The following POLQ variants were observed in gnomAD, a reference collection of about 807,000 sequenced individuals.
POLQ encodes DNA polymerase theta.
Under a neutral mutation model 259.2 loss-of-function variants are expected in POLQ, and 233 were observed. That is an observed-to-expected ratio of 0.90 (90% CI 0.81 to 1.00). The LOEUF is 1.00. Among genes scored for constraint, POLQ ranks in the 50% least tolerant of loss-of-function variants. The probability of loss-of-function intolerance (pLI) is 0.00; values close to 1 mark genes in which losing one functional copy is unlikely to be tolerated. For synonymous variants in POLQ, 1,025 were observed against 1,048.8 expected, an observed-to-expected ratio of 0.98 and a Z score of 0.44; for missense variants, 2,871 against 3,051.6, an observed-to-expected ratio of 0.94 and a Z score of 1.39.
intron 27 of POLQ, 49 bp from the exon 28 acceptor site, chr3:121,436,324 T>G: frequency 1.3e-6 from 2 of 1,593,088 alleles, no homozygotes; most frequent in East Asian, 2.2e-5. Context: ...CAACATGGTT[T>G]CATACTTTCC....
In POLQ at chr3:121,539,566, T is replaced by C; in HGVS notation, c.498A>G (p.Ile166Met). 6.2e-7 allele frequency: 1 copy of C among 1,613,146 alleles called. No individual in the cohort carries two copies. Among genetic ancestry groups the C allele is most frequent in the South Asian group, 1.1e-5 (1 of 90,932 alleles). The change falls in exon 4 of 30, where the codon ATA becomes ATG. Residue 166 changes from isoleucine (I) to methionine (M), a missense_variant. Coordinates refer to ENST00000264233, the MANE Select transcript of POLQ (RefSeq NM_199420.4). ...YLQSLFQEVG[I>M]KVDGYMGSTS... is the part of the protein sequence containing the mutation. ...TGCTGCCCATATAACCGTCTACTTT[T>C]ATTCCTACTTCCTGAAACAGACTCT... is the stretch of plus-strand genomic sequence containing the variant.
intron 7 of POLQ, among the ~76,000 whole-genome samples, chr3:121,528,303 AG>A: frequency 4.7e-5 from 1 of 21,266 alleles, no homozygotes. Flanking sequence ...TGTATTTAGG[AG>A]AGATGGGGTT....
Position 121,502,178 on chromosome 3 carries a change from TAAA to T in POLQ, c.1960-3511_1960-3509del, listed in dbSNP as rs150712670. 9.0e-3 allele frequency among the ~76,000 whole-genome samples: 1,365 copies of T among 152,314 alleles called. 16 individuals carry two copies. The highest frequency in any genetic ancestry group is 0.031 in the African/African-American group (1,292 of 41,568). ...CCTGACTGATTTAAAAGGCAACTTA[TAAA>T]ACAATATGCATATTTTTGTACTGTA... On this transcript the variant is annotated intron_variant, in intron 12 of 29. Transcript: ENST00000264233.
intron 24 of POLQ, among the ~76,000 whole-genome samples, chr3:121,462,198 G>A (rs2047797735): frequency 6.6e-6 from 1 of 152,088 alleles, no homozygotes; most frequent in Non-Finnish European, 1.5e-5. Flanking sequence ...TACTCAAACT[G>A]TAAATGGCCA....
At chr3:121,520,573 A>G (rs1356307420) in intron 8 of POLQ, among the ~76,000 whole-genome samples, 1 of 152,148 alleles carries the variant, frequency 6.6e-6, no homozygotes, top group East Asian at 1.9e-4. Context: ...TGCTGCCTCT[A>G]GTATACCTCT....
At chr3:121,446,532 A>G (rs1392883240) in intron 26 of POLQ, among the ~76,000 whole-genome samples, 1 of 152,062 alleles carries the variant, frequency 6.6e-6, no homozygotes, top group Admixed American at 6.6e-5. Context: ...GGGGTGTTGA[A>G]ATCTCCAGTT....
chr3:121,460,203 C>A lies in POLQ; in HGVS notation c.6999G>T (p.Gln2333His), dbSNP rs1259502322. 6.2e-7 allele frequency: 1 copy of A among 1,613,806 alleles called. No individual in the cohort carries two copies. Among genetic ancestry groups the A allele is most frequent in the South Asian group, 1.1e-5 (1 of 91,066 alleles). Residue 2333 changes from glutamine (Q) to histidine (H), a missense_variant, in exon 25 of 30, where the codon CAG (glutamine) becomes CAT (histidine). By Grantham distance (24) the Gln-to-His change is conservative. Transcript: ENST00000264233. ...GGSILAADYS[Q>H]LELRILAHLS... ...AATGAGCCAAGATCCTCAGTTCAAG[C>A]TGAGAGTAGTCAGCAGCCAGTATTG... is the stretch of plus-strand genomic sequence containing the variant.
rs2047577021 is a variant in POLQ at position 121,440,014 on chromosome 3, T to C, written c.7367A>G (p.Asn2456Ser). 1 of 1,613,684 alleles carries C rather than the reference T, an allele frequency of 6.2e-7. No individual in the cohort carries two copies. The highest frequency in any genetic ancestry group is 8.5e-7 in the Non-Finnish European group (1 of 1,179,746). The change falls in exon 27 of 30, where the codon AAC becomes AGC. Residue 2456 changes from asparagine to serine, a missense_variant. Asn to Ser is a conservative substitution (Grantham distance 46). Coordinates refer to ENST00000264233, the MANE Select transcript of POLQ (RefSeq NM_199420.4). ...RRRYLPGIKD[N>S]NPYRKAHAER... ...TACGTGAGCTTTACGATAAGGGTTG[T>C]TGTCTTTGATTCCTGGCAAATATCT... is the stretch of plus-strand genomic sequence containing the variant.
At chr3:121,442,135 T>G (rs2047597500) in intron 26 of POLQ, among the ~76,000 whole-genome samples, 1 of 152,204 alleles carries the variant, frequency 6.6e-6, no homozygotes, top group Admixed American at 6.5e-5. Flanking sequence ...GTTTGTACCT[T>G]GCTTTTACAT....
rs1487566583 is a variant in POLQ, at chr3:121,464,072, CA to C, written c.6967+3446del. On this transcript the variant is annotated intron_variant, in intron 24 of 29. Transcript: ENST00000264233. ...TTTCTTGAAACAAAAGAACATTTGC[CA>C]AGTATTCAGTAATCAAAGACAAAAA... 5.9e-5 allele frequency among the ~76,000 whole-genome samples: 9 copies of C among 152,162 alleles called. No homozygotes were observed. In the South Asian group the frequency reaches 1.7e-3, roughly 28 times the overall value.
intron 25 of POLQ, among the ~76,000 whole-genome samples, chr3:121,456,640 C>T (rs1341066540): frequency 4.0e-5 from 6 of 151,272 alleles, no homozygotes; most frequent in African/African-American, 1.5e-4. Context: ...ACAATTGCTT[C>T]AAAGAGAATA....
Position 121,439,846 on chromosome 3 carries a change from T to G in POLQ, c.7389+146A>C, listed in dbSNP as rs2047575154. 3 of 695,442 alleles carry G rather than the reference T, an allele frequency of 4.3e-6. No individual in the cohort carries two copies. The Admixed American group carries it at 8.2e-5, about 19-fold the overall frequency. 43.1% of individuals were successfully genotyped at this position (695,442 alleles called of 1,614,324 possible). ...GTGCCATCACTTCAGAAGTCCTTAA[T>G]GAAACCAATGGTTGACGTTGTCTAT... On this transcript the variant is annotated intron_variant, in intron 27 of 29. Coordinates refer to ENST00000264233, the MANE Select transcript of POLQ (RefSeq NM_199420.4).
chr3:121,439,261 C>T lies in POLQ; in HGVS notation c.7389+731G>A, dbSNP rs2047568966. Among the ~76,000 whole-genome samples, 5 of 148,830 alleles carry T rather than the reference C, an allele frequency of 3.4e-5. No homozygotes were observed. In the Admixed American group the frequency reaches 3.4e-4, roughly 10 times the overall value. ...TTTTTTTTAATTAAACATAGGGTCT[C>T]ATTCTGCCACCTAGGCTGGAATACA... On this transcript the variant is annotated intron_variant, in intron 27 of 29. Coordinates refer to ENST00000264233, the MANE Select transcript of POLQ (RefSeq NM_199420.4).
rs1317221256 is a variant in POLQ at position 121,535,956 on chromosome 3, T to C, written c.740+1144A>G. On this transcript the variant is annotated intron_variant, in intron 5 of 29. Coordinates refer to ENST00000264233, the MANE Select transcript of POLQ (RefSeq NM_199420.4). ...AACCACCTATCTAGATTGGAACAAC[T>C]TGAAGGGCTTCAGGAAAATCTTCAA... Among the ~76,000 whole-genome samples, 6 of 152,218 alleles carry C rather than the reference T, an allele frequency of 3.9e-5. No individual in the cohort carries two copies. The South Asian group carries it at 6.2e-4, about 16-fold the overall frequency.
At chr3:121,537,017 A>G in intron 5 of POLQ, 83 bp downstream of exon 5, 1 of 735,918 alleles carries the variant, frequency 1.4e-6, no homozygotes, top group African/African-American at 1.8e-5. Flanking sequence ...CCCTTAATTT[A>G]TTTAACTCAT....
intron 6 of POLQ, among the ~76,000 whole-genome samples, chr3:121,530,027 C>T (rs2048399927): frequency 6.6e-6 from 1 of 152,158 alleles, no homozygotes; most frequent in African/African-American, 2.4e-5. Flanking sequence ...TGAGCTCCAA[C>T]CCTCAGGCAA....
chr3:121,432,345 TTTTCAC>T lies in POLQ; in HGVS notation c.7726_7731del (p.Val2576_Lys2577del). ...TTTAGCTCTCCCCAGCTGGCGCCTATTTTCACTTTCACTTTCAATTTCACAGACAGT... is the reference window on the plus strand; with the variant it reads ...TTTAGCTCTCCCCAGCTGGCGCCTATTTTCACTTTCAATTTCACAGACAGT... On this transcript the variant is annotated inframe_deletion, in exon 30 of 30. Transcript: ENST00000264233. 6.2e-7 allele frequency: 1 copy of T among 1,607,872 alleles called. No homozygotes were observed. Among genetic ancestry groups the T allele is most frequent in the South Asian group, 1.1e-5 (1 of 89,928 alleles).
intron 21 of POLQ, among the ~76,000 whole-genome samples, chr3:121,473,143 A>G (rs1347001795): frequency 1.3e-5 from 2 of 152,244 alleles, no homozygotes; most frequent in Non-Finnish European, 2.9e-5. Context: ...GAAGGACACA[A>G]CTGCTAACTT....
chr3:121,529,930 C>A, intron 6 of POLQ, 138 bp from the exon 7 acceptor site: 2 of 575,362 alleles, frequency 3.5e-6, no homozygotes, highest in Non-Finnish European at 5.8e-6. Flanking sequence ...AAGTCAATAA[C>A]AAAAGAAAGG....
Sources: gnomAD v4.1 joint callset for allele counts (sites outside exome capture counted in the v4.1 genomes callset) on GRCh38, gnomAD v4.1.1 for gene constraint, MANE v1.5 for transcripts, NCBI Gene and HGNC (gene_info 2026-07-23, HGNC 2026-07-21) for gene names.